CHRM3: variants seen among roughly 807,000 people sequenced by gnomAD.
The protein encoded by CHRM3 is cholinergic receptor muscarinic 3.
CHRM3 carries 11 observed loss-of-function variants against 41.8 expected under a neutral mutation model. The observed-to-expected ratio is 0.26, with a 90% confidence interval of 0.17 to 0.44. The LOEUF (loss-of-function observed/expected upper bound fraction) is 0.44. CHRM3 is among the 20% of genes least tolerant of loss of function. CHRM3 has a pLI of 1.00. For synonymous variants in CHRM3, 297 were observed against 301.4 expected (o/e 0.99, Z 0.15); for missense variants, 571 against 745.4 (o/e 0.77, Z 2.72).
intron 4 of CHRM3, among the ~76,000 whole-genome samples, chr1:239,637,160 T>C (rs750257455): frequency 5.9e-5 from 9 of 152,150 alleles, no homozygotes; most frequent in Non-Finnish European, 1.3e-4. Context: ...TATACAGAAA[T>C]GATGACCTGT....
chr1:239,868,717 G>C (rs531324953), intron 6 of CHRM3, among the ~76,000 whole-genome samples: 11 of 152,238 alleles, frequency 7.2e-5, no homozygotes, highest in South Asian at 4.1e-4. Flanking sequence ...ATAAATCAGC[G>C]AAAGGACCCT....
chr1:239,622,421 G>T (rs936890620), intron 3 of CHRM3, among the ~76,000 whole-genome samples: 14 of 152,128 alleles, frequency 9.2e-5, no homozygotes, highest in Non-Finnish European at 2.9e-5. Context: ...TTCTAGAAAG[G>T]ATTCACCATT....
chr1:239,548,771 C>G (rs771553672), intron 3 of CHRM3, among the ~76,000 whole-genome samples: 2 of 152,202 alleles, frequency 1.3e-5, no homozygotes, highest in African/African-American at 2.4e-5. Flanking sequence ...GGGCCTGCAG[C>G]ATGCCATACT....
At chr1:239,603,458 A>T (rs1273980780) in intron 3 of CHRM3, among the ~76,000 whole-genome samples, 1 of 152,170 alleles carries the variant, frequency 6.6e-6, no homozygotes, top group Non-Finnish European at 1.5e-5. Context: ...CATGCTAATT[A>T]GGGACTCCTC....
rs985080629 is a variant in CHRM3, at chr1:239,789,168, A to T, written c.-146-38084A>T. 5.6e-4 allele frequency among the ~76,000 whole-genome samples: 85 copies of T among 152,166 alleles called. 1 individual carries two copies. Among genetic ancestry groups the T allele is most frequent in the Admixed American group, 5.0e-3 (77 of 15,276 alleles). ...AGAAAAGAGCATGTGAGATGTGGTC[A>T]TTGGAGGGTACTAGACCAGGTTTGA... On this transcript the variant is annotated intron_variant, in intron 5 of 6. Coordinates refer to ENST00000676153, the MANE Select transcript of CHRM3 (RefSeq NM_001375978.1).
At chr1:239,447,743 T>C (rs1664254368) in intron 1 of CHRM3, among the ~76,000 whole-genome samples, 1 of 152,076 alleles carries the variant, frequency 6.6e-6, no homozygotes. Context: ...ACCACTGCAC[T>C]CCAGCCTGGG....
chr1:239,663,820 T>A (rs1222744884), intron 4 of CHRM3, among the ~76,000 whole-genome samples: 1 of 152,212 alleles, frequency 6.6e-6, no homozygotes, highest in Non-Finnish European at 1.5e-5. Context: ...TGAATTAGAA[T>A]CACTGGAGTG....
At chr1:239,869,609 A>AT (rs1676404010) in intron 6 of CHRM3, among the ~76,000 whole-genome samples, 2 of 152,050 alleles carry the variant, frequency 1.3e-5, no homozygotes, top group African/African-American at 4.8e-5. Context: ...GAATGAGCAC[A>AT]TCCCCAGCCC....
chr1:239,769,645 G>A (rs1017305382), intron 5 of CHRM3, among the ~76,000 whole-genome samples: 17 of 152,198 alleles, frequency 1.1e-4, no homozygotes, highest in African/African-American at 3.1e-4. Context: ...ACTTTGGGAG[G>A]CCAAGGCGGG....
At chr1:239,695,992 A>G (rs1038514835) in intron 5 of CHRM3, among the ~76,000 whole-genome samples, 22 of 152,216 alleles carry the variant, frequency 1.4e-4, no homozygotes, top group African/African-American at 5.3e-4. Context: ...TCTCTGTGTT[A>G]AACATCACCT....
In CHRM3 at chr1:239,801,723, A is replaced by G. The variant is rs183181364; in HGVS notation, c.-146-25529A>G. 2.6e-5 allele frequency among the ~76,000 whole-genome samples: 4 copies of G among 152,340 alleles called. No individual in the cohort carries two copies. In the East Asian group the frequency reaches 5.8e-4, roughly 22 times the overall value. On this transcript the variant is annotated intron_variant, in intron 5 of 6. Coordinates refer to ENST00000676153, the MANE Select transcript of CHRM3 (RefSeq NM_001375978.1). Reference sequence around the variant, plus strand: ...GAATAGTTAATGTGTTTCATTCCTTACATAAAAAGAATTTTAAAAGGATAG... The same window carrying G: ...GAATAGTTAATGTGTTTCATTCCTTGCATAAAAAGAATTTTAAAAGGATAG...
intron 6 of CHRM3, among the ~76,000 whole-genome samples, chr1:239,852,897 T>G (rs1674812376): frequency 6.6e-6 from 1 of 152,142 alleles, no homozygotes; most frequent in South Asian, 2.1e-4. Flanking sequence ...AGGTGTTACA[T>G]GGTAACTTTT....
At chr1:239,509,163 A>C (rs1668763761) in intron 2 of CHRM3, among the ~76,000 whole-genome samples, 1 of 152,226 alleles carries the variant, frequency 6.6e-6, no homozygotes, top group African/African-American at 2.4e-5. Flanking sequence ...TTCTTGATTT[A>C]GCTAAACCAT....
intron 5 of CHRM3, among the ~76,000 whole-genome samples, chr1:239,701,098 C>T (rs1660645643): frequency 6.6e-6 from 1 of 152,172 alleles, no homozygotes; most frequent in South Asian, 2.1e-4. Context: ...GTTCCTAAGA[C>T]ATTTTCTGAC....
chr1:239,635,289 C>T (rs1670338752), intron 4 of CHRM3, among the ~76,000 whole-genome samples: 1 of 152,218 alleles, frequency 6.6e-6, no homozygotes, highest in Non-Finnish European at 1.5e-5. Context: ...TTGAGACCTT[C>T]TCAAAATCCT....
chr1:239,425,515 C>T (rs571431953), intron 1 of CHRM3, among the ~76,000 whole-genome samples: 1 of 152,064 alleles, frequency 6.6e-6, no homozygotes, highest in East Asian at 1.9e-4. Flanking sequence ...ATCCTTTCCC[C>T]ATTTGAAACG....
chr1:239,553,442 C>T (rs2148454264), intron 3 of CHRM3, among the ~76,000 whole-genome samples: 1 of 152,072 alleles, frequency 6.6e-6, no homozygotes, highest in South Asian at 2.1e-4. Flanking sequence ...AGGATACAAG[C>T]AGGAGACTTT....
chr1:239,818,052 C>T (rs977380601), intron 5 of CHRM3, among the ~76,000 whole-genome samples: 23 of 152,134 alleles, frequency 1.5e-4, no homozygotes, highest in Admixed American at 5.2e-4. Context: ...ACAGCCTGGG[C>T]GGCTTAAACG....
At chr1:239,455,806 T>C (rs1664889808) in intron 1 of CHRM3, among the ~76,000 whole-genome samples, 1 of 152,196 alleles carries the variant, frequency 6.6e-6, no homozygotes, top group Non-Finnish European at 1.5e-5. Context: ...TAAATAAATG[T>C]AGTGTAGCCT....
Sources: gnomAD v4.1 joint callset for allele counts (sites outside exome capture counted in the v4.1 genomes callset) on GRCh38, gnomAD v4.1.1 for gene constraint, MANE v1.5 for transcripts, NCBI Gene and HGNC (gene_info 2026-07-23, HGNC 2026-07-21) for gene names.